CUX2: variants seen among roughly 807,000 people sequenced by gnomAD.
CUX2 encodes cut like homeobox 2.
CUX2 carries 40 observed loss-of-function variants against 144.8 expected under a neutral mutation model. The ratio of observed to expected loss-of-function variants is 0.28; its 90% CI spans 0.21 to 0.36. The LOEUF (loss-of-function observed/expected upper bound fraction) is 0.36, where lower values mean the gene tolerates loss of function less well. Among genes scored for constraint, CUX2 ranks in the 10% least tolerant of loss-of-function variants. CUX2 has a pLI of 1.00. For missense variants in CUX2, 1,615 were observed against 1,994.0 expected (o/e 0.81, Z 3.62); for synonymous variants, 827 against 875.6 (o/e 0.94, Z 0.98).
intron 3 of CUX2, among the ~76,000 whole-genome samples, chr12:111,257,598 TCTC>T (rs1256984914): frequency 1.1e-5 from 1 of 90,570 alleles, no homozygotes; most frequent in Non-Finnish European, 2.2e-5. Context: ...CCCTCCTCCT[TCTC>T]CTCCTCACTC....
chr12:111,215,419 T>C (rs1276888160), intron 2 of CUX2, among the ~76,000 whole-genome samples: 1 of 152,188 alleles, frequency 6.6e-6, no homozygotes, highest in Non-Finnish European at 1.5e-5. Flanking sequence ...ACACAAGTCA[T>C]AAATGTCTTT....
chr12:111,276,380 G>A (rs2136308356), intron 4 of CUX2, among the ~76,000 whole-genome samples: 1 of 152,210 alleles, frequency 6.6e-6, no homozygotes, highest in Admixed American at 6.5e-5. Flanking sequence ...AATAAAAAGT[G>A]AGTCACATAG....
intron 3 of CUX2, among the ~76,000 whole-genome samples, chr12:111,244,558 T>A (rs1236712125): frequency 6.6e-6 from 1 of 152,266 alleles, no homozygotes; most frequent in Non-Finnish European, 1.5e-5. Context: ...TTTAACTTGT[T>A]CTTCCATCCT....
chr12:111,160,533 C>T lies in CUX2; in HGVS notation c.64-53667C>T, dbSNP rs566298922. Reference sequence around the variant, plus strand: ...TCCTGGTCCAAGAACTCGCGTGACCCGGCACAGAGGGGGCGCGAGATGCGA... The same window carrying T: ...TCCTGGTCCAAGAACTCGCGTGACCTGGCACAGAGGGGGCGCGAGATGCGA... On this transcript the variant is annotated intron_variant, in intron 1 of 21. Coordinates refer to ENST00000261726, the MANE Select transcript of CUX2 (RefSeq NM_015267.4). This position sits in a 1 kb window ranked among gnomAD's most constrained non-coding sequence, Gnocchi z 4.1. Among the ~76,000 whole-genome samples the T allele has an allele frequency of 3.9e-5, 6 of 152,250 alleles. No homozygotes were observed. Among genetic ancestry groups the T allele is most frequent in the Admixed American group, 1.3e-4 (2 of 15,294 alleles).
intron 1 of CUX2, among the ~76,000 whole-genome samples, chr12:111,093,761 C>G (rs1201833200): frequency 6.6e-6 from 1 of 152,242 alleles, no homozygotes; most frequent in East Asian, 1.9e-4. Flanking sequence ...CTGAAACCCT[C>G]TATCTTCTTT....
chr12:111,310,451 G>C lies in CUX2; in HGVS notation c.1669G>C (p.Glu557Gln), dbSNP rs1351647429. 6.2e-7 allele frequency: 1 copy of C among 1,613,320 alleles called. No individual in the cohort carries two copies. The highest frequency in any genetic ancestry group is 8.5e-7 in the Non-Finnish European group (1 of 1,179,992). ...GAEEEQLDTA[E>Q]IAFQVKEQLL... is the part of the protein sequence containing the mutation. The stretch of plus-strand genomic sequence containing the variant: ...AGAGGAGGAGCAGCTGGACACGGCA[G>C]AGATCGCCTTCCAGGTGAAGGAGCA... The change falls in exon 15 of 22, where the codon GAG becomes CAG. Residue 557 changes from glutamate to glutamine, a missense_variant. Around this residue, in one of 12 missense-constraint regions of CUX2, gnomAD observed 71 missense variants for 142.3 expected, o/e 0.50. Transcript: ENST00000261726. This position sits in a 1 kb window ranked among gnomAD's most constrained non-coding sequence, Gnocchi z 7.9.
chr12:111,050,058 C>G (rs186532702), intron 1 of CUX2, among the ~76,000 whole-genome samples: 1 of 152,080 alleles, frequency 6.6e-6, no homozygotes, highest in Admixed American at 6.6e-5. Context: ...GCAGAGAAAC[C>G]CTTCACCTAC....
chr12:111,099,145 T>C (rs762943728), intron 1 of CUX2, among the ~76,000 whole-genome samples: 1 of 152,058 alleles, frequency 6.6e-6, no homozygotes, highest in Non-Finnish European at 1.5e-5. Flanking sequence ...TGCTCAGCAG[T>C]GTGGAAGGAA....
At chr12:111,328,941 ATC>A (rs1227047616) in intron 18 of CUX2, among the ~76,000 whole-genome samples, 217 of 28,946 alleles carry the variant, frequency 7.5e-3, no homozygotes, top group Middle Eastern at 0.038. Context: ...TGATTCACCT[ATC>A]TCTCTCTCTC....
chr12:111,342,117 C>G (rs1368354718), intron 21 of CUX2, 64 bp downstream of exon 21: 11 of 1,546,672 alleles, frequency 7.1e-6, no homozygotes, highest in Non-Finnish European at 8.7e-6. Context: ...CTTCCCCATC[C>G]CAGGGCCTGG....
intron 16 of CUX2, among the ~76,000 whole-genome samples, chr12:111,316,362 T>C (rs1416401789): frequency 6.7e-6 from 1 of 149,870 alleles, no homozygotes; most frequent in Non-Finnish European, 1.5e-5. Flanking sequence ...GTCAGGCTGG[T>C]CTCAATCTCC....
At chr12:111,133,517 T>C (rs1242986948) in intron 1 of CUX2, among the ~76,000 whole-genome samples, 2 of 152,136 alleles carry the variant, frequency 1.3e-5, no homozygotes, top group African/African-American at 4.8e-5. Flanking sequence ...GTTACTATCA[T>C]GAGAACAGCA....
At chr12:111,278,358 CT>C (rs1218958200) in intron 4 of CUX2, among the ~76,000 whole-genome samples, 1 of 152,198 alleles carries the variant, frequency 6.6e-6, no homozygotes, top group East Asian at 1.9e-4. Flanking sequence ...GAAGTCGAGG[CT>C]GCAGTGAGCC....
At chr12:111,345,838 G>A (rs1261760631) in intron 21 of CUX2, among the ~76,000 whole-genome samples, 45 of 144,056 alleles carry the variant, frequency 3.1e-4, no homozygotes, top group African/African-American at 9.3e-4. Context: ...GGCTGGGTGC[G>A]GTGGCTCACA....
At chr12:111,041,597 G>A (rs985741250) in intron 1 of CUX2, among the ~76,000 whole-genome samples, 5 of 152,236 alleles carry the variant, frequency 3.3e-5, no homozygotes, top group Non-Finnish European at 7.3e-5. Context: ...TAAAACACAA[G>A]AGATTTACCT....
At chr12:111,298,708 C>T (rs1592934926) in intron 9 of CUX2, 119 bp downstream of exon 9, 2 of 1,089,832 alleles carry the variant, frequency 1.8e-6, no homozygotes, top group African/African-American at 1.6e-5. Context: ...AACTGTGGGT[C>T]TTGTGCATGC....
In CUX2 at chr12:111,293,433, T is replaced by C. The variant is rs776065293; in HGVS notation, c.437-13T>C. 177 of 1,600,026 alleles carry C rather than the reference T, an allele frequency of 1.1e-4. No homozygotes were observed. Among genetic ancestry groups the C allele is most frequent in the Non-Finnish European group, 1.5e-4 (174 of 1,174,472 alleles). ...CTTGGCAATGGGGGTTTTCCCTCTT[T>C]TTCTCCCTGCAGAGCAGAGAGAGGG... On this transcript the variant is annotated splice_polypyrimidine_tract_variant and intron_variant, in intron 5 of 21. Coordinates refer to ENST00000261726, the MANE Select transcript of CUX2 (RefSeq NM_015267.4). The surrounding 1 kb of genome is among the most constrained non-coding windows in gnomAD (Gnocchi z 4.5).
In CUX2 at chr12:111,347,689, G is replaced by A. The variant is rs756897068; in HGVS notation, c.3825G>A (p.Leu1275=). Reference sequence around the variant, plus strand: ...ACCAGAAGCCAACCGTGAAGGAACTGGAGCTTCAGGAGGGCCCTGAGGAGA... The same window carrying A: ...ACCAGAAGCCAACCGTGAAGGAACTAGAGCTTCAGGAGGGCCCTGAGGAGA... ...TEDQKPTVKE[L]ELQEGPEENS... The change falls in exon 22 of 22, where the codon CTG becomes CTA. Residue 1275 remains leucine, a synonymous_variant. Transcript: ENST00000261726. 1 of 1,613,428 alleles carries A rather than the reference G, an allele frequency of 6.2e-7. No individual in the cohort carries two copies. The highest frequency in any genetic ancestry group is 2.2e-5 in the East Asian group (1 of 44,818).
At chr12:111,094,067 G>A (rs183824409) in intron 1 of CUX2, among the ~76,000 whole-genome samples, 1 of 152,354 alleles carries the variant, frequency 6.6e-6, no homozygotes, top group Non-Finnish European at 1.5e-5. Flanking sequence ...ACTTTCAATA[G>A]CAGACAGGCA....
Sources: allele counts gnomAD v4.1 joint callset (sites outside exome capture counted in the v4.1 genomes callset), GRCh38; gene constraint gnomAD v4.1.1; regional missense constraint gnomAD v4.1.1; non-coding constraint Gnocchi (gnomAD v3.1); transcripts MANE v1.5; gene names NCBI Gene and HGNC (gene_info 2026-07-23, HGNC 2026-07-21).